HP1BP3: variants seen among roughly 807,000 people sequenced by gnomAD.
The protein encoded by HP1BP3 is heterochromatin protein 1-binding protein 3.
Under a neutral mutation model 62.5 loss-of-function variants are expected in HP1BP3, and 12 were observed. That is an observed-to-expected ratio of 0.19 (90% CI 0.12 to 0.31). HP1BP3 has a LOEUF of 0.31. Among genes scored for constraint, HP1BP3 ranks in the 10% least tolerant of loss-of-function variants. The pLI, the probability that HP1BP3 is intolerant of heterozygous loss-of-function variation, is 1.00. For synonymous variants in HP1BP3, 260 were observed against 237.8 expected (o/e 1.09, Z -0.86); for missense variants, 502 against 651.8 (o/e 0.77, Z 2.50).
chr1:20,750,447 G>A (rs2055661120), intron 9 of HP1BP3, among the ~76,000 whole-genome samples: 1 of 147,912 alleles, frequency 6.8e-6, no homozygotes, highest in Non-Finnish European at 1.5e-5. Context: ...AGAGTCACTT[G>A]AACCCAAGAC....
chr1:20,752,539 C>T (rs1245371497), intron 9 of HP1BP3, among the ~76,000 whole-genome samples: 1 of 152,032 alleles, frequency 6.6e-6, no homozygotes, highest in Non-Finnish European at 1.5e-5. Flanking sequence ...AACCACCCGC[C>T]TCAGCATCCC....
At chr1:20,756,873 G>A (rs1165758636) in intron 9 of HP1BP3, among the ~76,000 whole-genome samples, 2 of 151,832 alleles carry the variant, frequency 1.3e-5, no homozygotes, top group African/African-American at 4.8e-5. Context: ...GTGCCCCCAC[G>A]CCCAGCTCAT....
intron 6 of HP1BP3, 63 bp from the exon 7 acceptor site, chr1:20,767,727 C>T (rs2056853964): frequency 1.9e-6 from 2 of 1,043,232 alleles, no homozygotes; most frequent in African/African-American, 1.6e-5. Flanking sequence ...AAGGAAATTA[C>T]AGGCCATGGT....
chr1:20,783,622 T>A (rs1172684530), intron 1 of HP1BP3, among the ~76,000 whole-genome samples: 3 of 151,540 alleles, frequency 2.0e-5, no homozygotes, highest in African/African-American at 7.3e-5. Flanking sequence ...GTTCAATCTG[T>A]AGTACTTTCT....
chr1:20,780,634 A>G, intron 1 of HP1BP3, 94 bp from the exon 2 acceptor site: 1 of 568,790 alleles, frequency 1.8e-6, no homozygotes, highest in Admixed American at 3.0e-5. Flanking sequence ...GAAAAAATAT[A>G]ACTATAAAAT....
intron 8 of HP1BP3, among the ~76,000 whole-genome samples, chr1:20,757,724 T>C (rs1475307737): frequency 6.6e-6 from 1 of 152,018 alleles, no homozygotes; most frequent in African/African-American, 2.4e-5. Flanking sequence ...ACCTAGAAAA[T>C]TTCCAAAGAC....
intron 1 of HP1BP3, among the ~76,000 whole-genome samples, chr1:20,782,187 C>G (rs1474188251): frequency 6.6e-6 from 1 of 152,128 alleles, no homozygotes; most frequent in Non-Finnish European, 1.5e-5. Context: ...CCTGCAACCC[C>G]AGCACTTTGG....
chr1:20,779,115 G>C (rs2057430032), intron 3 of HP1BP3, among the ~76,000 whole-genome samples: 1 of 151,962 alleles, frequency 6.6e-6, no homozygotes, highest in African/African-American at 2.4e-5. Context: ...ATGCTGGTCA[G>C]CAAATAATTG....
intron 3 of HP1BP3, among the ~76,000 whole-genome samples, chr1:20,779,493 A>G (rs1227101185): frequency 1.3e-5 from 2 of 152,164 alleles, no homozygotes; most frequent in South Asian, 2.1e-4. Flanking sequence ...CCATTCTCCC[A>G]CACTGCACTG....
intron 8 of HP1BP3, 41 bp from the exon 9 acceptor site, chr1:20,757,297 A>G: frequency 8.2e-7 from 1 of 1,224,996 alleles, no homozygotes; most frequent in South Asian, 1.3e-5. Flanking sequence ...TAAATACATT[A>G]ATGAAAGAAA....
chr1:20,764,753 G>A (rs944116957), intron 8 of HP1BP3, among the ~76,000 whole-genome samples: 2 of 151,250 alleles, frequency 1.3e-5, no homozygotes, highest in Non-Finnish European at 2.9e-5. Flanking sequence ...ACCGGGGCCT[G>A]TAATCCCAGC....
At chr1:20,762,184 A>G (rs1456909221) in intron 8 of HP1BP3, among the ~76,000 whole-genome samples, 1 of 152,234 alleles carries the variant, frequency 6.6e-6, no homozygotes, top group Non-Finnish European at 1.5e-5. Context: ...GAGAAAATCA[A>G]TATGGTTTCA....
intron 1 of HP1BP3, 54 bp downstream of exon 1, chr1:20,787,141 G>A (rs1343918170): frequency 6.6e-6 from 1 of 151,542 alleles, no homozygotes; most frequent in Non-Finnish European, 1.5e-5. Flanking sequence ...ACTCGCCTTC[G>A]GGGCCCAGCG....
At chr1:20,757,087 A>C in intron 9 of HP1BP3, 79 bp downstream of exon 9, 4 of 796,218 alleles carry the variant, frequency 5.0e-6, no homozygotes, top group South Asian at 4.8e-5. Flanking sequence ...GTCCTCAATA[A>C]ATTTTTACAG....
Position 20,776,725 on chromosome 1 carries a change from A to C in HP1BP3, c.222T>G (p.Ser74=). Residue 74 remains serine (S), a synonymous_variant, in exon 4 of 13, where the codon TCT becomes TCG. Coordinates refer to ENST00000438032, the MANE Select transcript of HP1BP3 (RefSeq NM_001372052.1). Reference sequence around the variant, plus strand: ...TCTCTTGTTCTTCTACAGTGGAGACAGATTCCTCTGAACTTATGTCTGGTT... The same window carrying C: ...TCTCTTGTTCTTCTACAGTGGAGACCGATTCCTCTGAACTTATGTCTGGTT... ...KPEPDISSEE[S]VSTVEEQENE... The C allele has an allele frequency of 5.0e-6, 8 of 1,613,204 alleles. No individual in the cohort carries two copies. The highest frequency in any genetic ancestry group is 6.8e-6 in the Non-Finnish European group (8 of 1,179,626).
rs74560460 is a variant in HP1BP3, at chr1:20,771,186, G to C, written c.511-113C>G. 2.4e-4 allele frequency: 197 copies of C among 827,660 alleles called. No homozygotes were observed. The African/African-American group carries it at 2.9e-3, about 12-fold the overall frequency. The allele number at this position is 827,660 out of a possible 1,614,324, so 51.3% of individuals were successfully genotyped here. A position where few individuals can be genotyped will look rare whatever the true frequency, so the allele number is the denominator to read the frequency against. ...TTGATGATAGATGACAAAAACGGTA[G>C]GGAAGAATGAACTTCAGAAGACTTC... On this transcript the variant is annotated intron_variant, in intron 5 of 12. Transcript: ENST00000438032.
In HP1BP3 at chr1:20,747,658, GAAAA is replaced by G; in HGVS notation, c.1142-7_1142-4del. On this transcript the variant is annotated splice_region_variant and splice_polypyrimidine_tract_variant and intron_variant, in intron 10 of 12. Coordinates refer to ENST00000438032, the MANE Select transcript of HP1BP3 (RefSeq NM_001372052.1). Reference sequence around the variant, plus strand: ...CAGGGTTTTTTTCAGCAAATGCACTGAAAAAAAAAATTCAGAAATGAAAGTTATC... The same window carrying G: ...CAGGGTTTTTTTCAGCAAATGCACTGAAAAAATTCAGAAATGAAAGTTATC... The G allele has an allele frequency of 6.6e-7, 1 of 1,506,596 alleles. No individual in the cohort carries two copies. Among genetic ancestry groups the G allele is most frequent in the East Asian group, 2.4e-5 (1 of 41,862 alleles). The allele number at this position is 1,506,596 out of a possible 1,614,324, so 93.3% of individuals were successfully genotyped here. A position where few individuals can be genotyped will look rare whatever the true frequency, so the allele number is the denominator to read the frequency against.
chr1:20,741,729 T>C lies in HP1BP3; in HGVS notation c.*3068A>G, dbSNP rs1253274557. 2.0e-5 allele frequency among the ~76,000 whole-genome samples: 3 copies of C among 152,226 alleles called. No homozygotes were observed. The highest frequency in any genetic ancestry group is 6.5e-5 in the Admixed American group (1 of 15,282). Reference sequence around the variant, plus strand: ...CTGAGACTCATTTATCAAAGGTAGCTTGTAGGTAGTTTCAGAGTGTATGAA... The same window carrying C: ...CTGAGACTCATTTATCAAAGGTAGCCTGTAGGTAGTTTCAGAGTGTATGAA... On this transcript the variant is annotated 3_prime_UTR_variant, in exon 13 of 13. Transcript: ENST00000438032.
Position 20,768,441 on chromosome 1 carries a change from G to A in HP1BP3, c.655-777C>T, listed in dbSNP as rs10916860. Among the ~76,000 whole-genome samples, 703 of 152,172 alleles carry A rather than the reference G, an allele frequency of 4.6e-3. 4 individuals carry two copies. Among genetic ancestry groups the A allele is most frequent in the African/African-American group, 0.015 (626 of 41,520 alleles). ...AACCTGGGTGACAGAGCGATACTCC[G>A]TCTCAAAAAACAAACAAACAATTTT... On this transcript the variant is annotated intron_variant, in intron 6 of 12. Transcript: ENST00000438032.
Sources: gnomAD v4.1 joint callset for allele counts (sites outside exome capture counted in the v4.1 genomes callset) on GRCh38, gnomAD v4.1.1 for gene constraint, MANE v1.5 for transcripts, NCBI Gene and HGNC (gene_info 2026-07-23, HGNC 2026-07-21) for gene names.